RAC1: variants seen among roughly 807,000 people sequenced by gnomAD.
RAC1 encodes Rac family small GTPase 1.
A neutral mutation model predicts 25.2 loss-of-function variants in RAC1; 2 were observed. The observed-to-expected ratio is 0.08, with a 90% CI of 0.03 to 0.25. RAC1 has a LOEUF of 0.25. RAC1 is among the 10% of genes least tolerant of loss of function. RAC1 has a pLI of 1.00. For missense variants in RAC1, 50 were observed against 235.7 expected, an observed-to-expected ratio of 0.21 and a Z score of 5.16; for synonymous variants, 88 against 94.0, an observed-to-expected ratio of 0.94 and a Z score of 0.37.
intron 4 of RAC1, among the ~76,000 whole-genome samples, chr7:6,401,377 C>T (rs926283169): frequency 6.6e-6 from 1 of 152,184 alleles, no homozygotes; most frequent in East Asian, 1.9e-4. Context: ...ACTCCAGTCT[C>T]TTTCACAAAC....
chr7:6,403,114 T>C lies in RAC1; in HGVS notation c.*668T>C, dbSNP rs1283790828. 9.5e-6 allele frequency: 2 copies of C among 211,530 alleles called. No individual in the cohort carries two copies. The highest frequency in any genetic ancestry group is 1.9e-5 in the Non-Finnish European group (2 of 104,184). The allele number at this position is 211,530 out of a possible 1,614,324, so 13.1% of individuals were successfully genotyped here. On this transcript the variant is annotated 3_prime_UTR_variant, in exon 6 of 6. Coordinates refer to ENST00000348035, the MANE Select transcript of RAC1 (RefSeq NM_006908.5). ...ATTTCCTCTAATGAAGAATTCTGTT[T>C]AGCTGTGGGTGTGCCGGGTGGGGTG... is the stretch of plus-strand genomic sequence containing the variant.
chr7:6,398,562 G>C (rs1009010296), intron 3 of RAC1: 1 of 1,067,150 alleles, frequency 9.4e-7, no homozygotes, highest in South Asian at 1.4e-5. Flanking sequence ...TCTCCGGAGG[G>C]TTAAGACAAA....
intron 3 of RAC1, among the ~76,000 whole-genome samples, chr7:6,394,910 A>G (rs1321081032): frequency 1.3e-5 from 2 of 152,074 alleles, no homozygotes; most frequent in East Asian, 1.9e-4. Flanking sequence ...GCTGGAGTGC[A>G]ATGGTGCGAT....
intron 1 of RAC1, among the ~76,000 whole-genome samples, chr7:6,376,518 T>C (rs1782603331): frequency 6.7e-6 from 1 of 149,196 alleles, no homozygotes; most frequent in African/African-American, 2.5e-5. Flanking sequence ...TTTTTTTTTT[T>C]TTGAGACGGG....
intron 5 of RAC1, 44 bp downstream of exon 5, chr7:6,402,071 T>C: frequency 1.3e-6 from 2 of 1,588,810 alleles, no homozygotes; most frequent in Non-Finnish European, 1.7e-6. Context: ...CCTCTTTTAT[T>C]GTAGTGACAG....
chr7:6,378,389 T>C (rs1455720154), intron 1 of RAC1, among the ~76,000 whole-genome samples: 1 of 151,374 alleles, frequency 6.6e-6, no homozygotes, highest in East Asian at 2.0e-4. Context: ...CTACTAAAAG[T>C]ACAAAAATTA....
At chr7:6,381,237 C>G (rs958892742) in intron 1 of RAC1, among the ~76,000 whole-genome samples, 18 of 152,160 alleles carry the variant, frequency 1.2e-4, no homozygotes, top group African/African-American at 4.3e-4. Context: ...CTTGTGTGTT[C>G]AGCTGGCTTG....
intron 1 of RAC1, among the ~76,000 whole-genome samples, chr7:6,376,670 TTG>T (rs199544513): frequency 0.1 from 10,251 of 100,494 alleles, 898 homozygotes; most frequent in East Asian, 0.57. Flanking sequence ...CCCAGCTAAT[TTG>T]TTTTTTTTTT....
chr7:6,376,672 G>GTTTTTTTTTTT (rs71008385), intron 1 of RAC1, among the ~76,000 whole-genome samples: 109 of 99,814 alleles, frequency 1.1e-3, no homozygotes, highest in Non-Finnish European at 1.6e-3. Context: ...CAGCTAATTT[G>GTTTTTTTTTTT]TTTTTTTTTT....
intron 3 of RAC1, among the ~76,000 whole-genome samples, chr7:6,396,082 G>A (rs1783228086): frequency 1.3e-5 from 2 of 152,174 alleles, no homozygotes; most frequent in African/African-American, 4.8e-5. Context: ...GGCACCACGT[G>A]TGTAACAGGC....
Position 6,391,832 on chromosome 7 carries a change from C to T in RAC1, c.108-92C>T, listed in dbSNP as rs1783100895. On this transcript the variant is annotated intron_variant, in intron 2 of 5. Transcript: ENST00000348035. Reference sequence around the variant, plus strand: ...GTGTGGCAGCCTCCAGGCCCGTCCCCAGCCTTTTTCTTGGCACACCTTCTC... The same window carrying T: ...GTGTGGCAGCCTCCAGGCCCGTCCCTAGCCTTTTTCTTGGCACACCTTCTC... 1.7e-5 allele frequency: 27 copies of T among 1,592,982 alleles called. No individual in the cohort carries two copies. In the East Asian group the frequency reaches 5.6e-4, roughly 33 times the overall value.
chr7:6,390,252 C>G (rs1173057665), intron 2 of RAC1, among the ~76,000 whole-genome samples: 1 of 151,696 alleles, frequency 6.6e-6, no homozygotes, highest in Admixed American at 6.6e-5. Context: ...TGTCATTTGT[C>G]TTTGTACTTC....
Position 6,384,545 on chromosome 7 carries a change from A to C in RAC1, c.36-2667A>C, listed in dbSNP as rs149860466. On this transcript the variant is annotated intron_variant, in intron 1 of 5. Transcript: ENST00000348035. ...CTAGGCTGGGTGGAGTGGTGTGATC[A>C]CAGCTCACTGCTGCCCTGAATTCCT... Among the ~76,000 whole-genome samples, 506 of 152,246 alleles carry C rather than the reference A, an allele frequency of 3.3e-3. 9 individuals carry two copies. Among genetic ancestry groups the C allele is most frequent in the African/African-American group, 0.011 (475 of 41,550 alleles).
At chr7:6,380,334 A>G (rs774045858) in intron 1 of RAC1, among the ~76,000 whole-genome samples, 1 of 151,958 alleles carries the variant, frequency 6.6e-6, no homozygotes, top group South Asian at 2.1e-4. Context: ...GATTTTATAC[A>G]TAATGTGGTT....
chr7:6,399,841 A>T, intron 3 of RAC1: 1 of 417,218 alleles, frequency 2.4e-6, no homozygotes, highest in Admixed American at 4.1e-5. Flanking sequence ...GGCGTAAAGG[A>T]AGCCTCCTGA....
In RAC1 at chr7:6,402,561, A is replaced by T; in HGVS notation, c.*115A>T. On this transcript the variant is annotated 3_prime_UTR_variant, in exon 6 of 6. Coordinates refer to ENST00000348035, the MANE Select transcript of RAC1 (RefSeq NM_006908.5). ...AACAACGGTGGAGCCTTCGCACTCA[A>T]TGCCAACTTTTTGTTACAGATTAAT... 1 of 1,025,130 alleles carries T rather than the reference A, an allele frequency of 9.8e-7. No homozygotes were observed. The highest frequency in any genetic ancestry group is 1.3e-6 in the Non-Finnish European group (1 of 786,110). 63.5% of individuals were successfully genotyped at this position (1,025,130 alleles called of 1,614,324 possible).
intron 1 of RAC1, among the ~76,000 whole-genome samples, chr7:6,377,245 AT>A (rs977659440): frequency 1.3e-5 from 2 of 150,792 alleles, no homozygotes; most frequent in Non-Finnish European, 3.0e-5. Context: ...AAGCACAGTT[AT>A]TTTTTAATAC....
chr7:6,399,834 G>A (rs778065937), intron 3 of RAC1: 19 of 397,544 alleles, frequency 4.8e-5, no homozygotes, highest in Non-Finnish European at 7.7e-5. Context: ...ATAGTTAGGC[G>A]TAAAGGAAGC....
In RAC1 at chr7:6,374,564, C is replaced by G; in HGVS notation, c.-172C>G. On this transcript the variant is annotated 5_prime_UTR_variant, in exon 1 of 6. Transcript: ENST00000348035. ...AGTTTTCCTCAGCTTTGGGTGGTGGCCGCTGCCGGGCATCGGCTTCCAGTC... is the reference window on the plus strand; with the variant it reads ...AGTTTTCCTCAGCTTTGGGTGGTGGGCGCTGCCGGGCATCGGCTTCCAGTC... The G allele has an allele frequency of 4.5e-6, 1 of 221,342 alleles. No individual in the cohort carries two copies. The allele number at this position is 221,342 out of a possible 1,614,324, so 13.7% of individuals were successfully genotyped here.
Sources: allele counts gnomAD v4.1 joint callset (sites outside exome capture counted in the v4.1 genomes callset), GRCh38; gene constraint gnomAD v4.1.1; transcripts MANE v1.5; gene names NCBI Gene and HGNC (gene_info 2026-07-23, HGNC 2026-07-21).